ATL1: variants seen among roughly 807,000 people sequenced by gnomAD.
ATL1 encodes the protein atlastin-1.
Under a neutral mutation model 75.5 loss-of-function variants are expected in ATL1, and 31 were observed. The observed-to-expected ratio is 0.41, with a 90% confidence interval of 0.31 to 0.55. ATL1 has a LOEUF of 0.55. Ranked by LOEUF, ATL1 falls within the 20% of genes least tolerant of loss-of-function variation. ATL1 has a pLI of 0.27. For synonymous variants in ATL1, 226 were observed against 233.3 expected (o/e 0.97, Z 0.28); for missense variants, 405 against 662.6 (o/e 0.61, Z 4.27).
At chr14:50,557,002 T>C (rs2038772947), upstream of ATL1, among the ~76,000 whole-genome samples, 1 of 152,186 alleles carries the variant, frequency 6.6e-6, no homozygotes, top group East Asian at 1.9e-4. Context: ...TTCTTTAGGG[T>C]GTATATCTAG....
intron 1 of ATL1, among the ~76,000 whole-genome samples, chr14:50,544,886 A>G (rs966341961): frequency 1.4e-4 from 19 of 139,726 alleles, no homozygotes; most frequent in Admixed American, 1.0e-3. Context: ...GCAATGAGCT[A>G]TGATTGTACC....
At chr14:50,615,781 T>C (rs2039409191) in intron 8 of ATL1, among the ~76,000 whole-genome samples, 1 of 152,142 alleles carries the variant, frequency 6.6e-6, no homozygotes, top group South Asian at 2.1e-4. Flanking sequence ...AGAGAAAGCT[T>C]CTCTTTCTTC....
chr14:50,569,437 T>C (rs2038935246), intron 1 of ATL1, among the ~76,000 whole-genome samples: 1 of 150,002 alleles, frequency 6.7e-6, no homozygotes, highest in African/African-American at 2.4e-5. Flanking sequence ...AAAAAATACA[T>C]TACTTTCTTA....
intron 9 of ATL1, 93 bp downstream of exon 9, chr14:50,620,819 G>T: frequency 7.1e-7 from 1 of 1,410,374 alleles, no homozygotes. Flanking sequence ...CCGATAATAT[G>T]GGAGCAAAGG....
At chr14:50,535,202 C>T (rs1310249716) in intron 1 of ATL1, among the ~76,000 whole-genome samples, 2 of 152,176 alleles carry the variant, frequency 1.3e-5, no homozygotes, top group Non-Finnish European at 2.9e-5. Flanking sequence ...GAAAGTTCTT[C>T]AGTAAAATGC....
At chr14:50,560,430 C>T (rs1488015623) in intron 1 of ATL1, 131 bp downstream of exon 1, 3 of 1,220,728 alleles carry the variant, frequency 2.5e-6, no homozygotes, top group African/African-American at 1.5e-5. Flanking sequence ...GGGCCGTAGC[C>T]GAGCCGCTCC....
At chr14:50,607,703 T>TAGTC (rs1160745285) in intron 6 of ATL1, among the ~76,000 whole-genome samples, 2 of 152,194 alleles carry the variant, frequency 1.3e-5, no homozygotes, top group South Asian at 4.1e-4. Flanking sequence ...TTAGAACATG[T>TAGTC]AGTCTTTCCC....
chr14:50,571,999 T>G (rs1174770748), intron 1 of ATL1: 1 of 498,692 alleles, frequency 2.0e-6, no homozygotes, highest in Non-Finnish European at 3.8e-6. Context: ...CTAGTTGCCA[T>G]CTCCACACAT....
chr14:50,574,937 G>GTGTACATATATA (rs1475087119), intron 1 of ATL1, among the ~76,000 whole-genome samples: 1 of 23,156 alleles, frequency 4.3e-5, no homozygotes, highest in African/African-American at 1.9e-4. Context: ...GTGTGTGTGT[G>GTGTACATATATA]TATATATATA....
Position 50,560,207 on chromosome 14 carries a change from C to A in ATL1, c.-59C>A. ...CCTCCCACCGCCAGCAACCTGCGGC[C>A]CCGGAGAAGGCAGCGAGCGCAGTGA... On this transcript the variant is annotated 5_prime_UTR_variant, in exon 1 of 14. Transcript: ENST00000358385. 1 of 1,605,294 alleles carries A rather than the reference C, an allele frequency of 6.2e-7. No homozygotes were observed. The highest frequency in any genetic ancestry group is 2.3e-5 in the East Asian group (1 of 44,386).
At chr14:50,540,085 G>A (rs746015036) in intron 1 of ATL1, among the ~76,000 whole-genome samples, 4 of 152,176 alleles carry the variant, frequency 2.6e-5, no homozygotes, top group Non-Finnish European at 5.9e-5. Context: ...ATGATGATTG[G>A]GAGCCCACAT....
chr14:50,589,155 C>CTTTTTTTTTTTT (rs34191629), intron 2 of ATL1, among the ~76,000 whole-genome samples: 10 of 109,420 alleles, frequency 9.1e-5, no homozygotes, highest in East Asian at 2.7e-4. Context: ...TTCTTTCTTT[C>CTTTTTTTTTTTT]TTTTTTTTTT....
rs1595607453 is a variant in ATL1 at position 50,601,328 on chromosome 14, C to T, written c.630+5696C>T. Among the ~76,000 whole-genome samples the T allele has an allele frequency of 2.6e-5, 4 of 151,948 alleles. No individual in the cohort carries two copies. The South Asian group carries it at 6.2e-4, about 24-fold the overall frequency. Reference sequence around the variant, plus strand: ...GTAATCAAGCAAACAAAAATATGTTCGTGTATTTAAAAACCATGGTTTAAA... The same window carrying T: ...GTAATCAAGCAAACAAAAATATGTTTGTGTATTTAAAAACCATGGTTTAAA... On this transcript the variant is annotated intron_variant, in intron 6 of 13. Transcript: ENST00000358385.
At chr14:50,566,256 C>G (rs949790959) in intron 1 of ATL1, among the ~76,000 whole-genome samples, 2 of 152,136 alleles carry the variant, frequency 1.3e-5, no homozygotes, top group South Asian at 2.1e-4. Context: ...CCTCAGCCCC[C>G]CAAAGTGCTG....
At chr14:50,629,571 A>C (rs2039558161) in intron 12 of ATL1, among the ~76,000 whole-genome samples, 1 of 145,926 alleles carries the variant, frequency 6.9e-6, no homozygotes, top group Admixed American at 6.8e-5. Flanking sequence ...ACAAGAGTGA[A>C]GCTCCATCTC....
intron 5 of ATL1, among the ~76,000 whole-genome samples, 157 bp from the exon 6 acceptor site, chr14:50,595,419 A>G (rs958494579): frequency 2.0e-5 from 3 of 152,302 alleles, no homozygotes; most frequent in African/African-American, 7.2e-5. Flanking sequence ...TATTTCCTAA[A>G]AATGATTATT....
intron 1 of ATL1, among the ~76,000 whole-genome samples, chr14:50,572,315 G>A (rs2038962129): frequency 6.6e-6 from 1 of 152,138 alleles, no homozygotes; most frequent in South Asian, 2.1e-4. Context: ...GATCTAGTTT[G>A]AGAAAACTAG....
At chr14:50,598,095 TA>T (rs917259138) in intron 6 of ATL1, among the ~76,000 whole-genome samples, 57 of 152,246 alleles carry the variant, frequency 3.7e-4, no homozygotes, top group Middle Eastern at 3.4e-3. Flanking sequence ...CTTTAGTAAT[TA>T]GCCACCAAAA....
upstream of ATL1, chr14:50,559,170 T>A (rs541654845): frequency 1.8e-4 from 28 of 152,332 alleles, no homozygotes; most frequent in Admixed American, 1.1e-3. Context: ...TGAGAGAGTG[T>A]AGCGTGAGGA....
Sources: gnomAD v4.1 joint callset for allele counts (sites outside exome capture counted in the v4.1 genomes callset) on GRCh38, gnomAD v4.1.1 for gene constraint, MANE v1.5 for transcripts, NCBI Gene and HGNC (gene_info 2026-07-23, HGNC 2026-07-21) for gene names.